Variants in GALNT17 observed in about 807,000 individuals in gnomAD.
GALNT17 encodes polypeptide N-acetylgalactosaminyltransferase 17.
A neutral mutation model predicts 63.7 loss-of-function variants in GALNT17; 29 were observed. The observed-to-expected ratio is 0.46, with a 90% CI of 0.34 to 0.62. The LOEUF (loss-of-function observed/expected upper bound fraction) is 0.62. Ranked by LOEUF, GALNT17 falls within the 20% of genes least tolerant of loss-of-function variation. GALNT17 has a pLI of 0.01. For missense variants in GALNT17, 603 were observed against 799.6 expected, an observed-to-expected ratio of 0.75 and a Z score of 2.97; for synonymous variants, 305 against 318.3, an observed-to-expected ratio of 0.96 and a Z score of 0.45.
At chr7:71,561,973 TG>T (rs1352771275) in intron 5 of GALNT17, among the ~76,000 whole-genome samples, 1 of 151,792 alleles carries the variant, frequency 6.6e-6, no homozygotes, top group Non-Finnish European at 1.5e-5. Flanking sequence ...TTTTTTTTTT[TG>T]AGATGGGGTC....
intron 1 of GALNT17, among the ~76,000 whole-genome samples, chr7:71,265,118 A>ATATTTTTT (rs1390488895): frequency 2.7e-5 from 1 of 37,464 alleles, no homozygotes; most frequent in African/African-American, 6.9e-5. Flanking sequence ...ATATATATAT[A>ATATTTTTT]TTTTTTTTTT....
intron 2 of GALNT17, among the ~76,000 whole-genome samples, chr7:71,360,998 A>G (rs1792390066): frequency 6.6e-6 from 1 of 152,196 alleles, no homozygotes; most frequent in Non-Finnish European, 1.5e-5. Flanking sequence ...CACATCAAGA[A>G]ACAAATAATC....
chr7:71,133,177 C>T (rs1787719194), intron 1 of GALNT17, 137 bp downstream of exon 1: 1 of 724,510 alleles, frequency 1.4e-6, no homozygotes, highest in Admixed American at 3.7e-5. Flanking sequence ...TCTTACCCTT[C>T]CTGCCCCGTT....
chr7:71,199,336 T>A (rs1789118142), intron 1 of GALNT17, among the ~76,000 whole-genome samples: 1 of 152,206 alleles, frequency 6.6e-6, no homozygotes, highest in South Asian at 2.1e-4. Context: ...AAGTTGTAAT[T>A]TTTGTAACCC....
chr7:71,381,013 T>C (rs1424689837), intron 2 of GALNT17, among the ~76,000 whole-genome samples: 1 of 151,130 alleles, frequency 6.6e-6, no homozygotes, highest in Non-Finnish European at 1.5e-5. Context: ...CAGGCTGGAG[T>C]GCAGAGGCGC....
intron 5 of GALNT17, among the ~76,000 whole-genome samples, chr7:71,550,494 C>T (rs1331411869): frequency 6.6e-6 from 1 of 152,102 alleles, no homozygotes; most frequent in African/African-American, 2.4e-5. Context: ...AATTCTCCTG[C>T]CTCAGCCTCT....
intron 5 of GALNT17, among the ~76,000 whole-genome samples, chr7:71,451,045 A>G (rs749781641): frequency 2.0e-5 from 3 of 151,592 alleles, no homozygotes; most frequent in African/African-American, 4.9e-5. Flanking sequence ...CTCATCATTC[A>G]CATTAGGTAT....
intron 5 of GALNT17, among the ~76,000 whole-genome samples, chr7:71,534,598 CAAAAA>C (rs371592743): frequency 2.8e-5 from 3 of 108,290 alleles, no homozygotes; most frequent in African/African-American, 3.4e-5. Context: ...GACTCCATCT[CAAAAA>C]AAAAAAAAAA....
chr7:71,552,290 C>T (rs961446152), intron 5 of GALNT17, among the ~76,000 whole-genome samples: 2 of 152,006 alleles, frequency 1.3e-5, no homozygotes, highest in Non-Finnish European at 2.9e-5. Flanking sequence ...AACAATCCAC[C>T]CACCTTGGCC....
rs75536269 is a variant in GALNT17 at position 71,247,180 on chromosome 7, T to A, written c.239-88370T>A. On this transcript the variant is annotated intron_variant, in intron 1 of 10. Transcript: ENST00000333538. ...GTATTTGTGCTCTTTCAGACTTTTT[T>A]AAATGTTTATGTTTTTATTTGTGTT... 1.8e-3 allele frequency among the ~76,000 whole-genome samples: 267 copies of A among 152,376 alleles called. 2 individuals are homozygous for A. Among genetic ancestry groups the A allele is most frequent in the East Asian group, 6.4e-3 (33 of 5,190 alleles).
chr7:71,513,343 C>T (rs1344387232), intron 5 of GALNT17, among the ~76,000 whole-genome samples: 2 of 152,048 alleles, frequency 1.3e-5, no homozygotes, highest in Non-Finnish European at 2.9e-5. Context: ...ATTATCAACT[C>T]ATGGCCAATC....
At chr7:71,206,391 C>G (rs1789272475) in intron 1 of GALNT17, among the ~76,000 whole-genome samples, 1 of 152,024 alleles carries the variant, frequency 6.6e-6, no homozygotes, top group Non-Finnish European at 1.5e-5. Flanking sequence ...GATTCATGAT[C>G]TCCCCTGACT....
intron 2 of GALNT17, among the ~76,000 whole-genome samples, chr7:71,364,509 C>T (rs1792465283): frequency 6.6e-6 from 1 of 152,076 alleles, no homozygotes; most frequent in South Asian, 2.1e-4. Context: ...AAATGGCATT[C>T]CTGGCAATAT....
At chr7:71,248,095 T>G (rs1790132418) in intron 1 of GALNT17, among the ~76,000 whole-genome samples, 1 of 152,086 alleles carries the variant, frequency 6.6e-6, no homozygotes, top group Non-Finnish European at 1.5e-5. Flanking sequence ...GACTCACAGC[T>G]CCGCATGTCT....
At chr7:71,329,448 T>C (rs1791763137) in intron 1 of GALNT17, among the ~76,000 whole-genome samples, 1 of 152,158 alleles carries the variant, frequency 6.6e-6, no homozygotes, top group South Asian at 2.1e-4. Context: ...ATCTCGCAGC[T>C]TTACAGTGGA....
At chr7:71,647,110 G>C (rs1444505804) in intron 6 of GALNT17, among the ~76,000 whole-genome samples, 1 of 151,612 alleles carries the variant, frequency 6.6e-6, no homozygotes, top group Non-Finnish European at 1.5e-5. Context: ...TGTTACCCAG[G>C]CTGGAGTGCA....
chr7:71,645,284 G>A (rs906049904), intron 6 of GALNT17, among the ~76,000 whole-genome samples: 2 of 152,160 alleles, frequency 1.3e-5, no homozygotes, highest in African/African-American at 4.8e-5. Context: ...ATTTCATCTC[G>A]AATTGTAATA....
rs774180231 is a variant in GALNT17, at chr7:71,335,622, C to T, written c.311C>T (p.Ser104Phe). 1 of 1,612,688 alleles carries T rather than the reference C, an allele frequency of 6.2e-7. No individual in the cohort carries two copies. Among genetic ancestry groups the T allele is most frequent in the Non-Finnish European group, 8.5e-7 (1 of 1,179,358 alleles). Residue 104 changes from serine (S) to phenylalanine (F), a missense_variant, in exon 2 of 11, where the codon TCC becomes TTC. This residue lies in a region of GALNT17 where 195 missense variants were observed against 215.0 expected (regional missense o/e 0.91). Transcript: ENST00000333538. ...AAAGGGGGCCTTCCGGCTACTCTTT[C>T]CCCGGCTGAAGAAGAAAAGGCTAAG... is the stretch of plus-strand genomic sequence containing the variant. ...RGKGGLPATLSPAEEEKAKGP... is the reference protein window; with the variant it reads ...RGKGGLPATLFPAEEEKAKGP...
intron 5 of GALNT17, among the ~76,000 whole-genome samples, chr7:71,506,186 A>G (rs1036999418): frequency 4.6e-5 from 7 of 152,238 alleles, no homozygotes; most frequent in African/African-American, 1.4e-4. Flanking sequence ...CATAAAAAAT[A>G]AAATTGGAAT....
Sources: allele counts gnomAD v4.1 joint callset (sites outside exome capture counted in the v4.1 genomes callset), GRCh38; gene constraint gnomAD v4.1.1; regional missense constraint gnomAD v4.1.1; transcripts MANE v1.5; gene names NCBI Gene and HGNC (gene_info 2026-07-23, HGNC 2026-07-21).